Variants in ZBTB7C observed in about 807,000 individuals in gnomAD.
ZBTB7C encodes the protein zinc finger and BTB domain containing 7C, also known as zinc finger and BTB domain-containing protein 7C.
ZBTB7C carries 8 observed loss-of-function variants against 25.7 expected under a neutral mutation model. The observed-to-expected ratio is 0.31, with a 90% confidence interval of 0.18 to 0.56. ZBTB7C has a LOEUF of 0.56. ZBTB7C is among the 20% of genes least tolerant of loss of function. The probability of loss-of-function intolerance (pLI) is 0.91; values close to 1 mark genes in which losing one functional copy is unlikely to be tolerated. For synonymous variants in ZBTB7C, 394 were observed against 369.0 expected (o/e 1.07, Z -0.78); for missense variants, 824 against 855.2 (o/e 0.96, Z 0.46).
chr18:48,060,322 G>A (rs2144317942), intron 3 of ZBTB7C, among the ~76,000 whole-genome samples: 1 of 152,302 alleles, frequency 6.6e-6, no homozygotes, highest in Middle Eastern at 3.4e-3. Flanking sequence ...AGGGAGCGGG[G>A]ATGGGGATGG....
chr18:48,156,607 C>A (rs938726775), intron 3 of ZBTB7C, among the ~76,000 whole-genome samples: 2 of 152,170 alleles, frequency 1.3e-5, no homozygotes, highest in African/African-American at 4.8e-5. Context: ...AAGCTACTAT[C>A]GTTGATCAAA....
intron 1 of ZBTB7C, among the ~76,000 whole-genome samples, chr18:48,373,691 A>G (rs573522155): frequency 5.3e-4 from 81 of 152,284 alleles, no homozygotes; most frequent in African/African-American, 1.8e-3. Context: ...GCCGGGCACT[A>G]TGGCTCACGC....
At chr18:48,130,833 G>A (rs940690148) in intron 3 of ZBTB7C, among the ~76,000 whole-genome samples, 14 of 152,172 alleles carry the variant, frequency 9.2e-5, no homozygotes, top group Admixed American at 5.9e-4. Context: ...CCAAGCACCC[G>A]GTGGCCTCCC....
chr18:48,218,173 C>T, intron 2 of ZBTB7C, among the ~76,000 whole-genome samples: 1 of 152,192 alleles, frequency 6.6e-6, no homozygotes, highest in Non-Finnish European at 1.5e-5. Flanking sequence ...TCCCTTGTGG[C>T]CTTGGGTACA....
intron 3 of ZBTB7C, among the ~76,000 whole-genome samples, chr18:48,164,163 G>A (rs184181566): frequency 6.6e-6 from 1 of 152,226 alleles, no homozygotes; most frequent in East Asian, 1.9e-4. Context: ...CCACAGCCAG[G>A]GGCATGACCC....
intron 2 of ZBTB7C, among the ~76,000 whole-genome samples, chr18:48,337,954 AC>A (rs1190924241): frequency 6.6e-6 from 1 of 152,156 alleles, no homozygotes; most frequent in Non-Finnish European, 1.5e-5. Context: ...TAGGAAGTGA[AC>A]CCATCTAATG....
At chr18:48,273,175 AT>A in intron 2 of ZBTB7C, among the ~76,000 whole-genome samples, 1 of 152,300 alleles carries the variant, frequency 6.6e-6, no homozygotes, top group South Asian at 2.1e-4. Flanking sequence ...ATTTTTAAAA[AT>A]TTCCATCAAG....
upstream of ZBTB7C, among the ~76,000 whole-genome samples, chr18:48,409,731 C>G (rs1171153706): frequency 1.3e-5 from 2 of 152,112 alleles, no homozygotes; most frequent in African/African-American, 4.8e-5. Context: ...GGACCCGACG[C>G]GGAGGCGGAG....
chr18:48,368,346 T>A, intron 1 of ZBTB7C, among the ~76,000 whole-genome samples: 1 of 147,100 alleles, frequency 6.8e-6, no homozygotes, highest in South Asian at 2.1e-4. Flanking sequence ...GATAGCCAAA[T>A]AGAGGAGACA....
At position 48,228,745 on chromosome 18, in the gene ZBTB7C, TCTCA is replaced by T. The variant is rs1156953278; in HGVS notation, c.-78-42754_-78-42751del. Among the ~76,000 whole-genome samples, 363 of 136,734 alleles carry T rather than the reference TCTCA, an allele frequency of 2.7e-3. 8 individuals are homozygous for T. The highest frequency in any genetic ancestry group is 0.023 in the Admixed American group (327 of 14,124). 89.7% of individuals were successfully genotyped at this position (136,734 alleles called of 152,430 possible). A position where few individuals can be genotyped will look rare whatever the true frequency, so the allele number is the denominator to read the frequency against. On this transcript the variant is annotated intron_variant, in intron 2 of 4. Coordinates refer to ENST00000590800, the MANE Select transcript of ZBTB7C (RefSeq NM_001318841.2). ...CTCTCTCTCTCTGTCTCTCTCTCTC[TCTCA>T]CACACACACACACACACACACACAC...
rs545237846 is a variant in ZBTB7C, at chr18:48,349,962, C to T, written c.-303-11564G>A. Among the ~76,000 whole-genome samples, 60 of 152,340 alleles carry T rather than the reference C, an allele frequency of 3.9e-4. 3 individuals carry two copies. In the South Asian group the frequency reaches 0.012, roughly 32 times the overall value. ...CTGCCCTTCATAAACAGGGCTATGTCCCACAGCATTGACAGTCTGCTGCAC... is the reference window on the plus strand; with the variant it reads ...CTGCCCTTCATAAACAGGGCTATGTTCCACAGCATTGACAGTCTGCTGCAC... On this transcript the variant is annotated intron_variant, in intron 1 of 4. Coordinates refer to ENST00000590800, the MANE Select transcript of ZBTB7C (RefSeq NM_001318841.2).
chr18:48,304,690 A>G (rs2045627337), intron 2 of ZBTB7C, among the ~76,000 whole-genome samples: 1 of 151,780 alleles, frequency 6.6e-6, no homozygotes, highest in African/African-American at 2.4e-5. Flanking sequence ...AAAGTACAAA[A>G]CTTAGCTTGC....
intron 3 of ZBTB7C, among the ~76,000 whole-genome samples, chr18:48,104,921 A>G (rs1333802970): frequency 6.6e-6 from 1 of 152,180 alleles, no homozygotes; most frequent in Non-Finnish European, 1.5e-5. Flanking sequence ...GTCTTATATC[A>G]GAAGGGCCCA....
intron 2 of ZBTB7C, among the ~76,000 whole-genome samples, chr18:48,309,638 C>A (rs56706216): frequency 1.3e-5 from 2 of 152,204 alleles, no homozygotes; most frequent in Non-Finnish European, 2.9e-5. Context: ...ATCCCCATAG[C>A]TATCATAAAA....
At chr18:48,335,823 T>C (rs919182187) in intron 2 of ZBTB7C, among the ~76,000 whole-genome samples, 2 of 152,254 alleles carry the variant, frequency 1.3e-5, no homozygotes, top group Admixed American at 1.3e-4. Flanking sequence ...GTTAAAATAA[T>C]ATGTTAGACC....
At chr18:48,251,377 C>T (rs2043852229) in intron 2 of ZBTB7C, among the ~76,000 whole-genome samples, 1 of 152,162 alleles carries the variant, frequency 6.6e-6, no homozygotes, top group Admixed American at 6.5e-5. Flanking sequence ...AAGGACCACA[C>T]TTGTGATGCA....
At chr18:48,158,197 T>C (rs1359442223) in intron 3 of ZBTB7C, among the ~76,000 whole-genome samples, 2 of 152,174 alleles carry the variant, frequency 1.3e-5, no homozygotes, top group Non-Finnish European at 2.9e-5. Flanking sequence ...CCTTTTTCTC[T>C]TTGCTTTTGG....
At chr18:48,323,867 G>A (rs1568376334) in intron 2 of ZBTB7C, among the ~76,000 whole-genome samples, 2 of 152,094 alleles carry the variant, frequency 1.3e-5, no homozygotes, top group Non-Finnish European at 2.9e-5. Flanking sequence ...TGGTCTGAAT[G>A]TGTGTATACT....
At chr18:48,394,666 C>A (rs991147549) in intron 1 of ZBTB7C, among the ~76,000 whole-genome samples, 1 of 151,952 alleles carries the variant, frequency 6.6e-6, no homozygotes, top group African/African-American at 2.4e-5. Flanking sequence ...TGTCTGTGTG[C>A]GTATGTGTGT....
Sources: allele counts gnomAD v4.1 joint callset (sites outside exome capture counted in the v4.1 genomes callset), GRCh38; gene constraint gnomAD v4.1.1; transcripts MANE v1.5; gene names NCBI Gene and HGNC (gene_info 2026-07-23, HGNC 2026-07-21).